Variants in LRMDA observed in about 807,000 individuals in gnomAD.
LRMDA encodes the protein leucine rich melanocyte differentiation associated.
LRMDA carries 18 observed loss-of-function variants against 29.8 expected under a neutral mutation model. The ratio of observed to expected loss-of-function variants is 0.60; its 90% confidence interval spans 0.42 to 0.90. LRMDA has a LOEUF of 0.90. Among genes scored for constraint, LRMDA ranks in the 40% least tolerant of loss-of-function variants. The pLI is 0.00. For synonymous variants in LRMDA, 125 were observed against 109.4 expected, an observed-to-expected ratio of 1.14 and a Z score of -0.89; for missense variants, 273 against 273.9, an observed-to-expected ratio of 1.00 and a Z score of 0.02.
At chr10:76,254,623 A>G (rs1241586640) in intron 5 of LRMDA, among the ~76,000 whole-genome samples, 1 of 152,018 alleles carries the variant, frequency 6.6e-6, no homozygotes, top group Non-Finnish European at 1.5e-5. Flanking sequence ...TATAATGTAT[A>G]TTATGTTGCT....
chr10:75,609,707 T>A (rs1341330273), intron 2 of LRMDA, among the ~76,000 whole-genome samples: 1 of 152,202 alleles, frequency 6.6e-6, no homozygotes, highest in South Asian at 2.1e-4. Flanking sequence ...TGTGCTATGA[T>A]GAGTCTTGCA....
At chr10:76,225,064 T>C (rs1279904634) in intron 5 of LRMDA, among the ~76,000 whole-genome samples, 2 of 152,130 alleles carry the variant, frequency 1.3e-5, no homozygotes, top group South Asian at 4.2e-4. Flanking sequence ...GAGTTGTCTC[T>C]GTGTGCTATG....
Position 76,469,978 on chromosome 10 carries a change from A to C in LRMDA, c.602-87231A>C, listed in dbSNP as rs1842601790. Among the ~76,000 whole-genome samples, 7 of 152,126 alleles carry C rather than the reference A, an allele frequency of 4.6e-5. 1 individual carries two copies. The highest frequency in any genetic ancestry group is 1.0e-4 in the Non-Finnish European group (7 of 68,022). ...CATCCCTTCTCCCCTATGATCATGG[A>C]TTAACAATTAGCTTTCATTAGAAAC... is the stretch of plus-strand genomic sequence containing the variant. On this transcript the variant is annotated intron_variant, in intron 6 of 6. Transcript: ENST00000611255.
intron 2 of LRMDA, among the ~76,000 whole-genome samples, chr10:75,991,867 G>T (rs1269601716): frequency 6.6e-6 from 1 of 152,184 alleles, no homozygotes; most frequent in African/African-American, 2.4e-5. Context: ...CCTCCTAGGA[G>T]GACAGCAGTC....
chr10:75,465,975 G>T (rs970588007), intron 2 of LRMDA, among the ~76,000 whole-genome samples: 13 of 152,200 alleles, frequency 8.5e-5, no homozygotes, highest in African/African-American at 2.9e-4. Context: ...TGTATTTTAT[G>T]ATTAAGGCAC....
chr10:76,469,735 G>A (rs1842599184), intron 6 of LRMDA, among the ~76,000 whole-genome samples: 1 of 152,110 alleles, frequency 6.6e-6, no homozygotes. Context: ...CCAGAGGCAA[G>A]CAAGTTTACT....
intron 5 of LRMDA, among the ~76,000 whole-genome samples, chr10:76,142,312 G>GAACC (rs1458235215): frequency 6.6e-6 from 1 of 152,034 alleles, no homozygotes; most frequent in Non-Finnish European, 1.5e-5. Flanking sequence ...TGCAATGAAT[G>GAACC]AACCAACCCA....
At chr10:76,255,706 A>T (rs1852581690) in intron 5 of LRMDA, among the ~76,000 whole-genome samples, 1 of 152,210 alleles carries the variant, frequency 6.6e-6, no homozygotes, top group Non-Finnish European at 1.5e-5. Flanking sequence ...AGCAAAATAG[A>T]TTTAAATCAT....
intron 6 of LRMDA, among the ~76,000 whole-genome samples, chr10:76,427,389 A>G (rs928975064): frequency 6.6e-6 from 1 of 151,972 alleles, no homozygotes; most frequent in African/African-American, 2.4e-5. Context: ...TTCACTCATG[A>G]TTTGGCTCTC....
chr10:76,199,691 A>G (rs1851393009), intron 5 of LRMDA, among the ~76,000 whole-genome samples: 1 of 152,192 alleles, frequency 6.6e-6, no homozygotes, highest in Non-Finnish European at 1.5e-5. Context: ...TGATTAGAGG[A>G]CAATAATAAA....
intron 2 of LRMDA, among the ~76,000 whole-genome samples, chr10:75,967,399 A>G (rs1846881722): frequency 6.6e-6 from 1 of 152,212 alleles, no homozygotes; most frequent in Non-Finnish European, 1.5e-5. Context: ...GATTATTATA[A>G]CATTAAGAGA....
chr10:75,673,056 T>G lies in LRMDA; in HGVS notation c.131+234562T>G, dbSNP rs1362720433. On this transcript the variant is annotated intron_variant, in intron 2 of 6. Coordinates refer to ENST00000611255, the MANE Select transcript of LRMDA (RefSeq NM_001305581.2). ...GATGCAGAGAGTCAGCCCAGCTTATTTCATCCTCCGCTTCCTGCTGCTGGT... is the reference window on the plus strand; with the variant it reads ...GATGCAGAGAGTCAGCCCAGCTTATGTCATCCTCCGCTTCCTGCTGCTGGT... Among the ~76,000 whole-genome samples, 5 of 152,202 alleles carry G rather than the reference T, an allele frequency of 3.3e-5. No individual in the cohort carries two copies. The East Asian group carries it at 5.8e-4, about 18-fold the overall frequency.
intron 2 of LRMDA, among the ~76,000 whole-genome samples, chr10:75,691,112 ATATATCTATATACATAGATATATAGATC>A (rs1842144558): frequency 1.2e-5 from 1 of 81,446 alleles, no homozygotes; most frequent in African/African-American, 8.3e-5. Flanking sequence ...ATATAGATCT[ATATATCTATATACATAGATATATAGATC>A]TATATATCTA....
intron 2 of LRMDA, among the ~76,000 whole-genome samples, chr10:75,440,043 G>A (rs531033177): frequency 5.9e-5 from 9 of 151,752 alleles, no homozygotes; most frequent in Admixed American, 2.0e-4. Context: ...ATCAGTGCAT[G>A]TGGATCATGG....
intron 2 of LRMDA, among the ~76,000 whole-genome samples, chr10:75,812,108 ATTTTTTTTTT>A (rs67846089): frequency 2.2e-4 from 10 of 46,286 alleles, no homozygotes; most frequent in African/African-American, 1.1e-3. Context: ...TTTAATTGTG[ATTTTTTTTTT>A]TTTTTTTTTT....
intron 3 of LRMDA, among the ~76,000 whole-genome samples, chr10:76,042,756 T>G (rs1848362219): frequency 6.6e-6 from 1 of 152,230 alleles, no homozygotes; most frequent in African/African-American, 2.4e-5. Flanking sequence ...AGAGAATAGA[T>G]AATTCCCTCT....
rs373406351 is a variant in LRMDA, at chr10:76,259,400, C to T, written c.517-65001C>T. On this transcript the variant is annotated intron_variant, in intron 5 of 6. Coordinates refer to ENST00000611255, the MANE Select transcript of LRMDA (RefSeq NM_001305581.2). Reference sequence around the variant, plus strand: ...CCAGCATTCCTTTTGTTATTGACTTCTAGTTTTATTCTATTGTCATCTGAG... The same window carrying T: ...CCAGCATTCCTTTTGTTATTGACTTTTAGTTTTATTCTATTGTCATCTGAG... Among the ~76,000 whole-genome samples the T allele has an allele frequency of 2.6e-5, 4 of 152,018 alleles. No individual in the cohort carries two copies. The South Asian group carries it at 8.3e-4, about 32-fold the overall frequency.
rs963200854 is a variant in LRMDA, at chr10:75,969,560, T to A, written c.132-66448T>A. Among the ~76,000 whole-genome samples the A allele has an allele frequency of 2.0e-5, 3 of 152,370 alleles. No homozygotes were observed. In the South Asian group the frequency reaches 6.2e-4, roughly 32 times the overall value. ...AAAGCTTCTGGCTTACATCAATTTA[T>A]GTTCACAAGCTCACGCTTATTATGA... On this transcript the variant is annotated intron_variant, in intron 2 of 6. Coordinates refer to ENST00000611255, the MANE Select transcript of LRMDA (RefSeq NM_001305581.2).
At chr10:76,090,836 G>A (rs1489932257) in intron 5 of LRMDA, among the ~76,000 whole-genome samples, 1 of 152,188 alleles carries the variant, frequency 6.6e-6, no homozygotes, top group Non-Finnish European at 1.5e-5. Flanking sequence ...GTCGTGAGGG[G>A]CTGGGAAGAG....
Sources: allele counts gnomAD v4.1 joint callset (sites outside exome capture counted in the v4.1 genomes callset), GRCh38; gene constraint gnomAD v4.1.1; transcripts MANE v1.5; gene names NCBI Gene and HGNC (gene_info 2026-07-23, HGNC 2026-07-21).